The following COL19A1 variants were observed in gnomAD, a reference collection of about 807,000 sequenced individuals.
The protein encoded by COL19A1 is collagen alpha-1(XIX) chain.
In COL19A1, 159 loss-of-function variants were observed where a neutral mutation model predicts 190.2. The ratio of observed to expected loss-of-function variants is 0.84; its 90% CI spans 0.73 to 0.95. The LOEUF is 0.95. COL19A1 is among the 40% of genes least tolerant of loss of function. The pLI, the probability that COL19A1 is intolerant of heterozygous loss-of-function variation, is 0.00. For missense variants in COL19A1, 1,418 were observed against 1,431.9 expected, an observed-to-expected ratio of 0.99 and a Z score of 0.16; for synonymous variants, 509 against 458.9, an observed-to-expected ratio of 1.11 and a Z score of -1.39.
Position 69,898,934 on chromosome 6 carries a change from T to C in COL19A1, c.92-14T>C, listed in dbSNP as rs1561975679. ...ATAATGCAAATCCTCTATGCTTTTTTTCTTTTTAAATAGAAGAGTCATGCC... is the reference window on the plus strand; with the variant it reads ...ATAATGCAAATCCTCTATGCTTTTTCTCTTTTTAAATAGAAGAGTCATGCC... On this transcript the variant is annotated splice_polypyrimidine_tract_variant and intron_variant, in intron 2 of 50. Transcript: ENST00000620364. 8.4e-6 allele frequency: 13 copies of C among 1,553,802 alleles called. No homozygotes were observed. Among genetic ancestry groups the C allele is most frequent in the Non-Finnish European group, 9.7e-6 (11 of 1,130,364 alleles).
At chr6:70,115,297 T>G (rs1431322560) in intron 16 of COL19A1, among the ~76,000 whole-genome samples, 1 of 152,212 alleles carries the variant, frequency 6.6e-6, no homozygotes, top group Non-Finnish European at 1.5e-5. Flanking sequence ...ATTCATGTGG[T>G]TTGGGGAAAA....
intron 15 of COL19A1, among the ~76,000 whole-genome samples, chr6:70,084,362 C>T (rs1324332738): frequency 2.6e-5 from 4 of 152,076 alleles, no homozygotes; most frequent in East Asian, 1.9e-4. Context: ...AGTCTATGGC[C>T]GAATTCTGCT....
chr6:70,091,304 G>A (rs1782913025), intron 15 of COL19A1, among the ~76,000 whole-genome samples: 1 of 152,132 alleles, frequency 6.6e-6, no homozygotes, highest in Admixed American at 6.6e-5. Context: ...TATATTTTGA[G>A]GATTAAATGA....
At chr6:69,880,197 C>T (rs1446155120) in intron 2 of COL19A1, among the ~76,000 whole-genome samples, 1 of 152,156 alleles carries the variant, frequency 6.6e-6, no homozygotes, top group Non-Finnish European at 1.5e-5. Context: ...TTAAATGTAT[C>T]AGTCTTTTCA....
At chr6:69,968,585 T>G (rs1272912890) in intron 11 of COL19A1, among the ~76,000 whole-genome samples, 1 of 152,172 alleles carries the variant, frequency 6.6e-6, no homozygotes, top group Non-Finnish European at 1.5e-5. Context: ...TTATAGTAAC[T>G]CAGAAAATCA....
At chr6:69,907,460 A>G (rs1450259072) in intron 4 of COL19A1, among the ~76,000 whole-genome samples, 2 of 152,138 alleles carry the variant, frequency 1.3e-5, no homozygotes, top group Non-Finnish European at 2.9e-5. Flanking sequence ...ACACTACAAC[A>G]TACAAGAAAG....
rs56933535 is a variant in COL19A1 at position 70,035,598 on chromosome 6, C to T, written c.1135-306C>T. Reference sequence around the variant, plus strand: ...GCTGCTTCATTGGCAAGTAAACATACTTGAAAATATATTATTTCTAATTTT... The same window carrying T: ...GCTGCTTCATTGGCAAGTAAACATATTTGAAAATATATTATTTCTAATTTT... On this transcript the variant is annotated intron_variant, in intron 13 of 50. Coordinates refer to ENST00000620364, the MANE Select transcript of COL19A1 (RefSeq NM_001858.6). Among the ~76,000 whole-genome samples the T allele has an allele frequency of 7.1e-3, 1,076 of 152,198 alleles. 15 individuals are homozygous for T. The highest frequency in any genetic ancestry group is 0.024 in the African/African-American group (993 of 41,512).
intron 15 of COL19A1, among the ~76,000 whole-genome samples, chr6:70,080,973 C>A (rs1254852613): frequency 6.6e-6 from 1 of 152,072 alleles, no homozygotes; most frequent in Non-Finnish European, 1.5e-5. Context: ...GAAATAAAGA[C>A]CTTTTCAAAG....
intron 12 of COL19A1, among the ~76,000 whole-genome samples, chr6:70,032,383 T>C (rs1779123373): frequency 6.6e-6 from 1 of 152,084 alleles, no homozygotes; most frequent in Non-Finnish European, 1.5e-5. Context: ...AAAAGTTTGG[T>C]GATGGAGAGA....
intron 4 of COL19A1, among the ~76,000 whole-genome samples, chr6:69,911,007 G>T (rs1770876814): frequency 6.6e-6 from 1 of 152,134 alleles, no homozygotes; most frequent in East Asian, 1.9e-4. Context: ...AGTGCTTGAT[G>T]CTTTGTTATA....
intron 22 of COL19A1, 53 bp from the exon 23 acceptor site, chr6:70,142,714 T>TC: frequency 1.6e-6 from 2 of 1,234,134 alleles, no homozygotes; most frequent in Non-Finnish European, 2.3e-6. Flanking sequence ...GTACAATCTA[T>TC]CTTTTTTTTT....
chr6:70,148,392 A>G (rs1397437872), intron 27 of COL19A1, among the ~76,000 whole-genome samples: 1 of 152,302 alleles, frequency 6.6e-6, no homozygotes. Context: ...ACTTTATGTT[A>G]GCAACCTATT....
At chr6:69,968,118 G>C (rs1233741076) in intron 11 of COL19A1, among the ~76,000 whole-genome samples, 1 of 152,134 alleles carries the variant, frequency 6.6e-6, no homozygotes, top group Non-Finnish European at 1.5e-5. Flanking sequence ...GATTGTATTA[G>C]TATTGATTTT....
intron 11 of COL19A1, among the ~76,000 whole-genome samples, chr6:69,998,238 ATAC>A (rs1169652788): frequency 6.6e-6 from 1 of 152,230 alleles, no homozygotes; most frequent in East Asian, 1.9e-4. Context: ...CCACATGCAA[ATAC>A]ATTATAACAG....
intron 12 of COL19A1, among the ~76,000 whole-genome samples, chr6:70,025,155 C>T (rs112879638): frequency 8.6e-5 from 13 of 151,836 alleles, no homozygotes; most frequent in Admixed American, 3.9e-4. Context: ...CTCAGCCTTC[C>T]GAGTAGCTGG....
At chr6:69,924,854 T>A in intron 4 of COL19A1, among the ~76,000 whole-genome samples, 1 of 152,058 alleles carries the variant, frequency 6.6e-6, no homozygotes, top group Admixed American at 6.6e-5. Flanking sequence ...GAGCATTTTT[T>A]CATGTGTCTG....
At chr6:70,162,234 T>C (rs1414794618) in intron 35 of COL19A1, among the ~76,000 whole-genome samples, 1 of 152,202 alleles carries the variant, frequency 6.6e-6, no homozygotes, top group Non-Finnish European at 1.5e-5. Context: ...AAGAGCATTC[T>C]ATTTTTTATT....
intron 2 of COL19A1, among the ~76,000 whole-genome samples, chr6:69,885,804 G>A (rs1768884740): frequency 6.6e-6 from 1 of 152,090 alleles, no homozygotes; most frequent in Admixed American, 6.5e-5. Flanking sequence ...AAAATGGAAG[G>A]ATTTTCTTTT....
At chr6:70,202,631 C>A (rs613109) in intron 49 of COL19A1, among the ~76,000 whole-genome samples, 18,645 of 151,792 alleles carry the variant, frequency 0.12, 2,824 homozygotes, top group African/African-American at 0.36. Context: ...TCTGAGAAGC[C>A]GGAGACGTAT....
Sources: allele counts gnomAD v4.1 joint callset (sites outside exome capture counted in the v4.1 genomes callset), GRCh38; gene constraint gnomAD v4.1.1; transcripts MANE v1.5; gene names NCBI Gene and HGNC (gene_info 2026-07-23, HGNC 2026-07-21).